PRSS12: variants seen among roughly 807,000 people sequenced by gnomAD.
PRSS12 encodes serine protease 12, also known as neurotrypsin.
Under a neutral mutation model 104.4 loss-of-function variants are expected in PRSS12, and 85 were observed. The ratio of observed to expected loss-of-function variants is 0.81; its 90% CI spans 0.68 to 0.98. PRSS12 has a LOEUF of 0.98. Ranked by LOEUF, PRSS12 falls within the 50% of genes least tolerant of loss-of-function variation. The pLI is 0.00. For synonymous variants in PRSS12, 454 were observed against 425.2 expected (o/e 1.07, Z -0.83); for missense variants, 1,141 against 1,139.2 (o/e 1.00, Z -0.02).
intron 1 of PRSS12, among the ~76,000 whole-genome samples, chr4:118,340,125 G>A (rs923972500): frequency 1.3e-5 from 2 of 152,118 alleles, no homozygotes; most frequent in South Asian, 2.1e-4. Flanking sequence ...GAGGTGAGAA[G>A]GAGAAAATCC....
rs1469847599 is a variant in PRSS12, at chr4:118,313,179, G to C, written c.1489+22C>G. 1.9e-6 allele frequency: 3 copies of C among 1,610,924 alleles called. No individual in the cohort carries two copies. The African/African-American group carries it at 4.0e-5, about 22-fold the overall frequency. On this transcript the variant is annotated intron_variant, in intron 7 of 12. Transcript: ENST00000296498. ...AATGGCTACTGAATGATGGAAACTT[G>C]AGAGCTGCAGCCAGTCCTCACCCAG...
intron 4 of PRSS12, among the ~76,000 whole-genome samples, chr4:118,327,146 G>C (rs1723794564): frequency 6.6e-6 from 1 of 151,960 alleles, no homozygotes; most frequent in African/African-American, 2.4e-5. Flanking sequence ...TAAAATAAAA[G>C]AGCAAAGAAA....
At chr4:118,316,911 T>G (rs1411304840) in intron 5 of PRSS12, among the ~76,000 whole-genome samples, 2 of 149,944 alleles carry the variant, frequency 1.3e-5, no homozygotes, top group African/African-American at 2.4e-5. Context: ...TATCCTGATA[T>G]AATTCCAAAG....
intron 1 of PRSS12, among the ~76,000 whole-genome samples, chr4:118,348,878 C>T (rs1322255183): frequency 6.6e-6 from 1 of 150,926 alleles, no homozygotes; most frequent in Non-Finnish European, 1.5e-5. Context: ...TCTCGAACTC[C>T]CGACCTCAGG....
chr4:118,302,806 TTG>T (rs10607405), intron 8 of PRSS12, among the ~76,000 whole-genome samples: 70,611 of 151,930 alleles, frequency 0.46, 16,681 homozygotes, highest in East Asian at 0.58. Flanking sequence ...CTATGTTTAC[TTG>T]TATTGTCTCT....
At chr4:118,292,381 G>A (rs1743146808) in intron 11 of PRSS12, among the ~76,000 whole-genome samples, 1 of 152,116 alleles carries the variant, frequency 6.6e-6, no homozygotes, top group African/African-American at 2.4e-5. Flanking sequence ...TTAGAGCAGG[G>A]GCTCAGGAAC....
chr4:118,316,119 CATA>C (rs1473110551), intron 6 of PRSS12, 60 bp downstream of exon 6: 1 of 1,573,210 alleles, frequency 6.4e-7, no homozygotes, highest in Non-Finnish European at 8.7e-7. Context: ...TAGGGATTAA[CATA>C]ATAAGACTTT....
intron 4 of PRSS12, among the ~76,000 whole-genome samples, chr4:118,330,532 A>C: frequency 6.6e-6 from 1 of 152,010 alleles, no homozygotes; most frequent in Admixed American, 6.6e-5. Context: ...ACAACAAAAA[A>C]CCCAGGCCTT....
chr4:118,300,761 G>A (rs1743386998), intron 8 of PRSS12, among the ~76,000 whole-genome samples: 1 of 152,072 alleles, frequency 6.6e-6, no homozygotes. Flanking sequence ...ATATTTGTTG[G>A]TGAATATACT....
intron 5 of PRSS12, 136 bp downstream of exon 5, chr4:118,318,242 C>T (rs1173476397): frequency 1.1e-6 from 1 of 873,608 alleles, no homozygotes; most frequent in East Asian, 2.5e-5. Context: ...GGTTTGCATT[C>T]TTTTTGTTTG....
rs541145737 is a variant in PRSS12 at position 118,296,564 on chromosome 4, T to G, written c.1838-708A>C. On this transcript the variant is annotated intron_variant, in intron 9 of 12. Transcript: ENST00000296498. ...ATTTGAGAAAACAGGAGAATTTATA[T>G]AGAGGTACTTTGTTTCTTTGGTTAA... Among the ~76,000 whole-genome samples the G allele has an allele frequency of 2.3e-4, 35 of 152,336 alleles. No individual in the cohort carries two copies. In the East Asian group the frequency reaches 6.5e-3, roughly 29 times the overall value.
Position 118,282,023 on chromosome 4 carries a change from C to T in PRSS12, c.2541G>A (p.Gly847=). The part of the protein sequence containing the change: ...SWVVYGVTSW[G]YGCGVKDSPG... ...GAGAATCCTTGACTCCACAGCCATA[C>T]CCCCAGGAGGTCACCCCATACACCA... The change falls in exon 13 of 13, where the codon GGG becomes GGA. Residue 847 remains glycine (G), a synonymous_variant. Transcript: ENST00000296498. 1.2e-6 allele frequency: 2 copies of T among 1,611,680 alleles called. No homozygotes were observed. The highest frequency in any genetic ancestry group is 1.1e-5 in the South Asian group (1 of 91,018).
chr4:118,299,902 A>G (rs1697903086), intron 8 of PRSS12, among the ~76,000 whole-genome samples: 1 of 148,340 alleles, frequency 6.7e-6, no homozygotes, highest in African/African-American at 2.4e-5. Flanking sequence ...AATGGCTTGA[A>G]CCCAGGAGGC....
intron 4 of PRSS12, among the ~76,000 whole-genome samples, chr4:118,319,895 T>C (rs936301572): frequency 7.2e-5 from 11 of 152,126 alleles, no homozygotes; most frequent in African/African-American, 2.4e-4. Flanking sequence ...AGCCTGGTCT[T>C]GAACTCCTGC....
intron 1 of PRSS12, among the ~76,000 whole-genome samples, chr4:118,339,951 A>G (rs1274779610): frequency 2.6e-5 from 4 of 152,194 alleles, no homozygotes; most frequent in Admixed American, 1.3e-4. Context: ...CTTAATCACG[A>G]AGTTACTCAG....
At position 118,338,306 on chromosome 4, in the gene PRSS12, G is replaced by C; in HGVS notation, c.511C>G (p.Arg171Gly). The C allele has an allele frequency of 6.2e-7, 1 of 1,613,878 alleles. No homozygotes were observed. Among genetic ancestry groups the C allele is most frequent in the Non-Finnish European group, 8.5e-7 (1 of 1,179,884 alleles). ...AACTCATTTTTGCCGCCACGAAGTC[G>C]TACTGATCCTAAAGTGGAAAAGAAT... The part of the protein sequence containing the change: ...GYCDCRHGSV[R>G]LRGGKNEFEG... The change falls in exon 2 of 13, where the codon CGA becomes GGA. Residue 171 changes from arginine to glycine, a missense_variant. Coordinates refer to ENST00000296498, the MANE Select transcript of PRSS12 (RefSeq NM_003619.4).
At chr4:118,349,003 G>A (rs1724426030) in intron 1 of PRSS12, among the ~76,000 whole-genome samples, 1 of 151,976 alleles carries the variant, frequency 6.6e-6, no homozygotes, top group Admixed American at 6.6e-5. Flanking sequence ...CCAGGGCCCA[G>A]GTATCATGTT....
intron 4 of PRSS12, among the ~76,000 whole-genome samples, chr4:118,321,095 G>T (rs1480664860): frequency 1.3e-5 from 2 of 152,078 alleles, no homozygotes; most frequent in African/African-American, 4.8e-5. Flanking sequence ...GAAAACATTT[G>T]GAATTCTAAC....
rs201484776 is a variant in PRSS12, at chr4:118,335,526, C to T, written c.767G>A (p.Gly256Asp). 1.4e-5 allele frequency: 23 copies of T among 1,614,000 alleles called. No homozygotes were observed. The highest frequency in any genetic ancestry group is 8.3e-5 in the Admixed American group (5 of 59,988). Residue 256 changes from glycine to aspartate, a missense_variant, in exon 3 of 13, where the codon GGT becomes GAT. Transcript: ENST00000296498. ...ILLCEKDIWQGGVCPQKMAAA... is the reference protein window; with the variant it reads ...ILLCEKDIWQDGVCPQKMAAA... ...TGCCATCTTCTGAGGACACACCCCACCCTGCCAGATGTCTTTTTCACAAAG... is the reference window on the plus strand; with the variant it reads ...TGCCATCTTCTGAGGACACACCCCATCCTGCCAGATGTCTTTTTCACAAAG...
Sources: allele counts gnomAD v4.1 joint callset (sites outside exome capture counted in the v4.1 genomes callset), GRCh38; gene constraint gnomAD v4.1.1; transcripts MANE v1.5; gene names NCBI Gene and HGNC (gene_info 2026-07-23, HGNC 2026-07-21).